Variants in NUDT19 observed in about 807,000 individuals in gnomAD.
NUDT19 encodes the protein nudix hydrolase 19.
NUDT19 carries 31 observed loss-of-function variants against 22.2 expected under a neutral mutation model. That is an observed-to-expected ratio of 1.40 (90% CI 1.05 to 1.89). NUDT19 has a LOEUF of 1.89. NUDT19 is among the 40% of genes most tolerant of loss of function. The probability of loss-of-function intolerance (pLI) is 0.00; values close to 1 mark genes in which losing one functional copy is unlikely to be tolerated. For missense variants in NUDT19, 752 were observed against 514.2 expected, an observed-to-expected ratio of 1.46 and a Z score of -4.47; for synonymous variants, 325 against 230.8, an observed-to-expected ratio of 1.41 and a Z score of -3.70.
At chr19:32,694,643 A>C (rs755426680) in intron 1 of NUDT19, among the ~76,000 whole-genome samples, 5 of 152,160 alleles carry the variant, frequency 3.3e-5, no homozygotes, top group Non-Finnish European at 7.4e-5. Flanking sequence ...TAAGATTAGA[A>C]GTTAGGATAA....
chr19:32,692,746 C>T (rs1043537087), intron 1 of NUDT19, 72 bp downstream of exon 1: 2 of 1,221,358 alleles, frequency 1.6e-6, no homozygotes, highest in South Asian at 1.7e-5. Context: ...GCGGCCCAGG[C>T]CCCCAAGGGA....
chr19:32,694,274 G>A (rs764688354), intron 1 of NUDT19, among the ~76,000 whole-genome samples: 2 of 152,096 alleles, frequency 1.3e-5, no homozygotes, highest in Non-Finnish European at 2.9e-5. Flanking sequence ...AATGCCGGGC[G>A]GCATCTTGCA....
rs188450518 is a variant in NUDT19, at chr19:32,698,080, C to G, written c.714+5406C>G. Among the ~76,000 whole-genome samples the G allele has an allele frequency of 2.5e-3, 378 of 152,300 alleles. 5 individuals are homozygous for G. The highest frequency in any genetic ancestry group is 8.7e-3 in the African/African-American group (361 of 41,574). ...AGGGAGGCTAGGATATGGAGGTAAG[C>G]TGAGAGGTCCTCCTGTGGGATGTAA... is the stretch of plus-strand genomic sequence containing the variant. On this transcript the variant is annotated intron_variant, in intron 1 of 2. Coordinates refer to ENST00000397061, the MANE Select transcript of NUDT19 (RefSeq NM_001105570.2).
In NUDT19 at chr19:32,692,411, G is replaced by C. The variant is rs1326422626; in HGVS notation, c.451G>C (p.Ala151Pro). Reference protein sequence around the residue: ...LRPRTSPPGPAPGPGLALEPP... With the variant: ...LRPRTSPPGPPPGPGLALEPP... ...GCCCAGGACTTCCCCACCAGGCCCA[G>C]CACCCGGGCCTGGCCTCGCCCTGGA... Residue 151 changes from alanine to proline, a missense_variant, in exon 1 of 3, where the codon GCA (alanine) becomes CCA (proline). Coordinates refer to ENST00000397061, the MANE Select transcript of NUDT19 (RefSeq NM_001105570.2). 2.6e-6 allele frequency: 4 copies of C among 1,564,946 alleles called. No individual in the cohort carries two copies. The highest frequency in any genetic ancestry group is 3.4e-6 in the Non-Finnish European group (4 of 1,163,120).
intron 2 of NUDT19, 93 bp downstream of exon 2, chr19:32,709,485 C>A: frequency 1.0e-6 from 1 of 990,340 alleles, no homozygotes; most frequent in Non-Finnish European, 1.6e-6. Context: ...ACAGGAATTA[C>A]AGTCTGTGTT....
rs1968466018 is a variant in NUDT19, at chr19:32,713,097, G to A, written c.*1140G>A. The A allele has an allele frequency of 6.6e-6, 1 of 152,030 alleles. No homozygotes were observed. Among genetic ancestry groups the A allele is most frequent in the Admixed American group, 6.6e-5 (1 of 15,238 alleles). The allele number at this position is 152,030 out of a possible 1,614,324, so 9.4% of individuals were successfully genotyped here. The stretch of plus-strand genomic sequence containing the variant: ...GATACAATTCTTTTTAAAATCAAAT[G>A]GTATTAGTTATTATGTTTCCCAAAT... On this transcript the variant is annotated 3_prime_UTR_variant, in exon 3 of 3. Transcript: ENST00000397061.
chr19:32,701,547 G>T (rs1374641259), intron 1 of NUDT19, among the ~76,000 whole-genome samples: 1 of 152,182 alleles, frequency 6.6e-6, no homozygotes, highest in Non-Finnish European at 1.5e-5. Flanking sequence ...GGTGCTGAGA[G>T]AGGAATGTGG....
chr19:32,703,405 A>C (rs975463293), intron 1 of NUDT19, among the ~76,000 whole-genome samples: 1 of 151,060 alleles, frequency 6.6e-6, no homozygotes, highest in East Asian at 2.0e-4. Flanking sequence ...CTGCAGTGCA[A>C]TGGTGCCATC....
intron 1 of NUDT19, among the ~76,000 whole-genome samples, chr19:32,695,574 TG>T (rs1312357409): frequency 2.6e-5 from 4 of 152,262 alleles, no homozygotes; most frequent in African/African-American, 9.6e-5. Flanking sequence ...TCTTTCCTTC[TG>T]TCTTTGACTT....
intron 1 of NUDT19, among the ~76,000 whole-genome samples, chr19:32,702,980 T>G (rs991867781): frequency 2.0e-5 from 3 of 152,164 alleles, no homozygotes; most frequent in Admixed American, 2.0e-4. Context: ...TACAATACAC[T>G]GTGATTATTT....
Position 32,692,076 on chromosome 19 carries a change from C to T in NUDT19, c.116C>T (p.Ala39Val). The T allele has an allele frequency of 7.6e-7, 1 of 1,317,878 alleles. No homozygotes were observed. Among genetic ancestry groups the T allele is most frequent in the South Asian group, 2.2e-5 (1 of 45,738 alleles). The allele number at this position is 1,317,878 out of a possible 1,614,324, so 81.6% of individuals were successfully genotyped here. A position where few individuals can be genotyped will look rare whatever the true frequency, so the allele number is the denominator to read the frequency against. ...TATPPSRPPP[A>V]EGFRLLLLQR... ...ACCCCGCCGTCGCGCCCGCCGCCGG[C>T]CGAGGGCTTCCGGCTGCTGCTGCTG... Residue 39 changes from alanine (A) to valine (V), a missense_variant, in exon 1 of 3, where the codon GCC becomes GTC. Transcript: ENST00000397061.
chr19:32,693,401 G>A (rs1039735251), intron 1 of NUDT19, among the ~76,000 whole-genome samples: 15 of 152,216 alleles, frequency 9.9e-5, no homozygotes, highest in African/African-American at 2.9e-4. Context: ...GAGCGAAGCT[G>A]CAGACATTTG....
chr19:32,695,979 C>T (rs1429935956), intron 1 of NUDT19, among the ~76,000 whole-genome samples: 4 of 152,326 alleles, frequency 2.6e-5, no homozygotes, highest in South Asian at 2.1e-4. Flanking sequence ...ACCTGCCCTT[C>T]GTATCCCATT....
At chr19:32,703,648 CTTTTTTTTTTTTTTTTTTT>C (rs60766132) in intron 1 of NUDT19, among the ~76,000 whole-genome samples, 9 of 68,398 alleles carry the variant, frequency 1.3e-4, no homozygotes, top group South Asian at 4.9e-4. Context: ...TGTGCCCAGC[CTTTTTTTTTTTTTTTTTTT>C]TTTTTTTTTT....
Position 32,692,159 on chromosome 19 carries a change from C to G in NUDT19, c.199C>G (p.Leu67Val), listed in dbSNP as rs773139349. ...CGCGCACGTCTTCTCCGGCGGAGTG[C>G]TGGATGCGGCCGACCGCTCGGCGGA... ...PGAHVFSGGV[L>V]DAADRSADWL... Residue 67 changes from leucine to valine, a missense_variant, in exon 1 of 3, where the codon CTG becomes GTG. Transcript: ENST00000397061. 6.6e-7 allele frequency: 1 copy of G among 1,521,404 alleles called. No individual in the cohort carries two copies. 94.2% of individuals were successfully genotyped at this position (1,521,404 alleles called of 1,614,324 possible). A position where few individuals can be genotyped will look rare whatever the true frequency, so the allele number is the denominator to read the frequency against.
chr19:32,694,476 T>C (rs1424334337), intron 1 of NUDT19, among the ~76,000 whole-genome samples: 1 of 152,166 alleles, frequency 6.6e-6, no homozygotes, highest in Non-Finnish European at 1.5e-5. Context: ...AGAAATACTT[T>C]GAGAGTGTGT....
rs754934470 is a variant in NUDT19 at position 32,692,354 on chromosome 19, G to A, written c.394G>A (p.Ala132Thr). Residue 132 changes from alanine to threonine, a missense_variant, in exon 1 of 3, where the codon GCC becomes ACC. Transcript: ENST00000397061. Reference sequence around the variant, plus strand: ...CTTCCGCATCTGCGCCGTGCGGGAGGCCTTTGAGGAGGCGGGCGTGCTGCT... The same window carrying A: ...CTTCCGCATCTGCGCCGTGCGGGAGACCTTTGAGGAGGCGGGCGTGCTGCT... The part of the protein sequence containing the change: ...VAFRICAVRE[A>T]FEEAGVLLLR... 2 of 1,590,348 alleles carry A rather than the reference G, an allele frequency of 1.3e-6. No homozygotes were observed. Among genetic ancestry groups the A allele is most frequent in the South Asian group, 1.1e-5 (1 of 90,176 alleles).
chr19:32,697,080 G>A (rs1968272721), intron 1 of NUDT19, among the ~76,000 whole-genome samples: 1 of 152,130 alleles, frequency 6.6e-6, no homozygotes, highest in African/African-American at 2.4e-5. Flanking sequence ...AAGTGTCCTT[G>A]TAAACCACAC....
chr19:32,692,375 C>T lies in NUDT19; in HGVS notation c.415C>T (p.Leu139=), dbSNP rs774683191. The change falls in exon 1 of 3, where the codon CTG becomes TTG. Residue 139 remains leucine (L), a synonymous_variant. Coordinates refer to ENST00000397061, the MANE Select transcript of NUDT19 (RefSeq NM_001105570.2). ...VREAFEEAGV[L]LLRPRTSPPG... is the part of the protein sequence containing the mutation. Reference sequence around the variant, plus strand: ...GGAGGCCTTTGAGGAGGCGGGCGTGCTGCTGCTGCGGCCCAGGACTTCCCC... The same window carrying T: ...GGAGGCCTTTGAGGAGGCGGGCGTGTTGCTGCTGCGGCCCAGGACTTCCCC... The T allele has an allele frequency of 6.9e-6, 11 of 1,587,096 alleles. No homozygotes were observed. Among genetic ancestry groups the T allele is most frequent in the Non-Finnish European group, 8.5e-6 (10 of 1,174,508 alleles).
Sources: gnomAD v4.1 joint callset for allele counts (sites outside exome capture counted in the v4.1 genomes callset) on GRCh38, gnomAD v4.1.1 for gene constraint, MANE v1.5 for transcripts, NCBI Gene and HGNC (gene_info 2026-07-23, HGNC 2026-07-21) for gene names.